Variants in RARB observed in about 807,000 individuals in gnomAD.
RARB encodes retinoic acid receptor beta, also known as HBV-activated protein.
RARB carries 17 observed loss-of-function variants against 51.9 expected under a neutral mutation model. The observed-to-expected ratio is 0.33, with a 90% CI of 0.22 to 0.49. RARB has a LOEUF of 0.49. Among genes scored for constraint, RARB ranks in the 20% least tolerant of loss-of-function variants. RARB has a pLI of 0.99. For missense variants in RARB, 369 were observed against 550.8 expected (o/e 0.67, Z 3.30); for synonymous variants, 215 against 195.4 (o/e 1.10, Z -0.84).
chr3:25,412,497 A>G (rs1707589056), intron 5 of RARB, among the ~76,000 whole-genome samples: 1 of 152,154 alleles, frequency 6.6e-6, no homozygotes, highest in Non-Finnish European at 1.5e-5. Context: ...TCCATTCTCA[A>G]GACTGTTGAC....
intron 2 of RARB, among the ~76,000 whole-genome samples, chr3:25,477,213 G>T (rs1695996368): frequency 6.6e-6 from 1 of 152,190 alleles, no homozygotes; most frequent in Non-Finnish European, 1.5e-5. Flanking sequence ...GAAAGTAAAT[G>T]CTCATCTGAG....
chr3:25,061,390 C>T (rs911806130), intron 3 of RARB, among the ~76,000 whole-genome samples: 5 of 151,726 alleles, frequency 3.3e-5, no homozygotes, highest in Non-Finnish European at 7.4e-5. Flanking sequence ...ATTTAATCTT[C>T]CAGTGTATCT....
intron 2 of RARB, among the ~76,000 whole-genome samples, chr3:25,461,930 A>G (rs1695206849): frequency 6.6e-6 from 1 of 152,238 alleles, no homozygotes; most frequent in Non-Finnish European, 1.5e-5. Context: ...ACTGGTTGGA[A>G]GAATCTTGAA....
intron 5 of RARB, among the ~76,000 whole-genome samples, chr3:25,219,302 C>G (rs1701896842): frequency 6.6e-6 from 1 of 151,776 alleles, no homozygotes; most frequent in African/African-American, 2.4e-5. Context: ...CATCTTATAG[C>G]AAAGACTAAG....
Position 25,596,713 on chromosome 3 carries a change from T to C in RARB, c.*97T>C. 1 of 1,119,854 alleles carries C rather than the reference T, an allele frequency of 8.9e-7. No individual in the cohort carries two copies. Among genetic ancestry groups the C allele is most frequent in the Non-Finnish European group, 1.2e-6 (1 of 800,308 alleles). The allele number at this position is 1,119,854 out of a possible 1,614,324, so 69.4% of individuals were successfully genotyped here. A position where few individuals can be genotyped will look rare whatever the true frequency, so the allele number is the denominator to read the frequency against. ...TTTTACTGCTGCTTAGTTTTTGGAC[T>C]GAAAAGATATTAAAACTCAAGAAGG... is the stretch of plus-strand genomic sequence containing the variant. On this transcript the variant is annotated 3_prime_UTR_variant, in exon 8 of 8. Transcript: ENST00000330688.
chr3:25,590,801 A>G (rs1275849941), intron 5 of RARB, among the ~76,000 whole-genome samples: 2 of 152,142 alleles, frequency 1.3e-5, no homozygotes. Flanking sequence ...TTTGACTGTC[A>G]CTTGATAACT....
chr3:24,863,707 A>G (rs1056813580), intron 2 of RARB, among the ~76,000 whole-genome samples: 2 of 148,264 alleles, frequency 1.3e-5, no homozygotes, highest in Non-Finnish European at 3.0e-5. Context: ...AACAAGTTTG[A>G]CTTTTTTTTT....
At chr3:25,583,999 C>T (rs1701287845) in intron 5 of RARB, among the ~76,000 whole-genome samples, 1 of 152,156 alleles carries the variant, frequency 6.6e-6, no homozygotes, top group Admixed American at 6.5e-5. Context: ...GTTCAATCTC[C>T]TTTATGCCTT....
At chr3:25,586,161 C>T (rs1034169640) in intron 5 of RARB, among the ~76,000 whole-genome samples, 7 of 152,052 alleles carry the variant, frequency 4.6e-5, no homozygotes, top group Non-Finnish European at 8.8e-5. Flanking sequence ...CATCCCATTC[C>T]GTCTGTCTAG....
intron 5 of RARB, among the ~76,000 whole-genome samples, chr3:25,176,371 TTCCTTCCTTCCTTCC>T (rs1345893685): frequency 3.9e-5 from 5 of 129,292 alleles, no homozygotes; most frequent in African/African-American, 1.4e-4. Flanking sequence ...CCTTCCTTCC[TTCCTTCCTTCCTTCC>T]TTATTTATTT....
chr3:25,386,525 CG>C (rs762709777), intron 5 of RARB, among the ~76,000 whole-genome samples: 11 of 152,128 alleles, frequency 7.2e-5, no homozygotes, highest in Non-Finnish European at 1.5e-4. Flanking sequence ...CAAAACTACT[CG>C]AGAGGTTGTT....
intron 5 of RARB, among the ~76,000 whole-genome samples, chr3:25,405,849 A>G (rs1031662359): frequency 7.9e-5 from 12 of 152,160 alleles, no homozygotes; most frequent in African/African-American, 2.7e-4. Context: ...AAGGGGTTTC[A>G]TGGCAGATGT....
chr3:25,236,769 T>A (rs1216057168), intron 5 of RARB, among the ~76,000 whole-genome samples: 1 of 151,986 alleles, frequency 6.6e-6, no homozygotes, highest in Admixed American at 6.6e-5. Context: ...ATAAGAAAAA[T>A]AGAGTGGAAT....
chr3:24,879,441 A>AC (rs927544046), intron 2 of RARB, among the ~76,000 whole-genome samples: 1 of 151,268 alleles, frequency 6.6e-6, no homozygotes, highest in South Asian at 2.1e-4. Context: ...AATTAAAAAA[A>AC]AATAAAAAAT....
intron 5 of RARB, among the ~76,000 whole-genome samples, chr3:25,380,341 A>G (rs941774755): frequency 2.0e-5 from 3 of 152,100 alleles, no homozygotes; most frequent in African/African-American, 7.2e-5. Context: ...CTAAAACAGA[A>G]CGTTCAGAGT....
chr3:25,190,963 G>A (rs1213690439), intron 5 of RARB, among the ~76,000 whole-genome samples: 1 of 152,104 alleles, frequency 6.6e-6, no homozygotes, highest in African/African-American at 2.4e-5. Flanking sequence ...TGGTTTGCAT[G>A]GATCTGTGTT....
chr3:25,166,023 C>G (rs1466951931), intron 4 of RARB, among the ~76,000 whole-genome samples: 1 of 151,942 alleles, frequency 6.6e-6, no homozygotes, highest in Non-Finnish European at 1.5e-5. Flanking sequence ...AATGACCCCT[C>G]CTGATGCAGA....
intron 5 of RARB, among the ~76,000 whole-genome samples, chr3:25,272,192 G>A (rs1478814169): frequency 6.6e-6 from 1 of 152,158 alleles, no homozygotes; most frequent in Non-Finnish European, 1.5e-5. Flanking sequence ...AACTGAATAT[G>A]CTTCCTTTAA....
At chr3:25,000,391 T>C (rs1202546823) in intron 2 of RARB, among the ~76,000 whole-genome samples, 4 of 152,280 alleles carry the variant, frequency 2.6e-5, no homozygotes, top group East Asian at 3.9e-4. Context: ...AAATCACTTA[T>C]GGGGCCACAG....
Sources: gnomAD v4.1 joint callset for allele counts (sites outside exome capture counted in the v4.1 genomes callset) on GRCh38, gnomAD v4.1.1 for gene constraint, MANE v1.5 for transcripts, NCBI Gene and HGNC (gene_info 2026-07-23, HGNC 2026-07-21) for gene names.